CACNA2D3: variants seen among roughly 807,000 people sequenced by gnomAD.
The protein encoded by CACNA2D3 is voltage-dependent calcium channel subunit alpha-2/delta-3.
A neutral mutation model predicts 160.6 loss-of-function variants in CACNA2D3; 60 were observed. That is an observed-to-expected ratio of 0.37 (90% CI 0.30 to 0.46). The LOEUF (loss-of-function observed/expected upper bound fraction) is 0.46, where lower values mean the gene tolerates loss of function less well. CACNA2D3 is among the 20% of genes least tolerant of loss of function. The pLI, the probability that CACNA2D3 is intolerant of heterozygous loss-of-function variation, is 1.00. For synonymous variants in CACNA2D3, 558 were observed against 492.9 expected (o/e 1.13, Z -1.75); for missense variants, 1,205 against 1,365.0 (o/e 0.88, Z 1.85).
intron 35 of CACNA2D3, among the ~76,000 whole-genome samples, chr3:55,043,566 T>G (rs774698034): frequency 6.6e-6 from 1 of 152,172 alleles, no homozygotes; most frequent in Non-Finnish European, 1.5e-5. Flanking sequence ...ATACAAATCC[T>G]TTGTAAAAAC....
chr3:54,347,545 T>C (rs1698481044), intron 3 of CACNA2D3, among the ~76,000 whole-genome samples: 1 of 152,116 alleles, frequency 6.6e-6, no homozygotes, highest in South Asian at 2.1e-4. Context: ...ATAAACACCC[T>C]AAACGCAGAA....
chr3:54,910,416 T>TCCTCATGAAGGTCACCAGTGAAATAC (rs1700531352), intron 27 of CACNA2D3, among the ~76,000 whole-genome samples: 1 of 151,974 alleles, frequency 6.6e-6, no homozygotes, highest in Non-Finnish European at 1.5e-5. Context: ...CAATGAAATA[T>TCCTCATGAAGGTCACCAGTGAAATAC]TCCTCATGAA....
chr3:54,773,108 T>A (rs192422166), intron 13 of CACNA2D3, among the ~76,000 whole-genome samples: 1 of 152,348 alleles, frequency 6.6e-6, no homozygotes, highest in East Asian at 1.9e-4. Flanking sequence ...CCAATTTAGT[T>A]GCATTTGCAA....
chr3:55,028,610 G>A (rs1703614933), intron 35 of CACNA2D3, among the ~76,000 whole-genome samples: 1 of 152,092 alleles, frequency 6.6e-6, no homozygotes, highest in Admixed American at 6.5e-5. Flanking sequence ...ACAAAGACTT[G>A]CTTAGAATCA....
chr3:55,055,357 A>G (rs1253588071), intron 35 of CACNA2D3, among the ~76,000 whole-genome samples: 1 of 152,050 alleles, frequency 6.6e-6, no homozygotes. Context: ...AGTTGACCAT[A>G]TTTGTACAGG....
intron 29 of CACNA2D3, among the ~76,000 whole-genome samples, chr3:54,976,064 C>CACAG (rs1702385378): frequency 1.1e-5 from 1 of 94,338 alleles, no homozygotes; most frequent in Admixed American, 1.1e-4. Context: ...GATACACACA[C>CACAG]ACACACACAC....
chr3:54,451,085 T>G (rs1402590969), intron 4 of CACNA2D3, among the ~76,000 whole-genome samples: 1 of 152,118 alleles, frequency 6.6e-6, no homozygotes, highest in African/African-American at 2.4e-5. Flanking sequence ...TCTCTGTGGT[T>G]CAAGGCTCCA....
chr3:54,463,207 C>T (rs1700541459), intron 4 of CACNA2D3, among the ~76,000 whole-genome samples: 1 of 152,202 alleles, frequency 6.6e-6, no homozygotes, highest in African/African-American at 2.4e-5. Flanking sequence ...CTGCCCTTAA[C>T]ATTTTTTCCT....
At chr3:54,519,273 G>A (rs1454186665) in intron 5 of CACNA2D3, among the ~76,000 whole-genome samples, 1 of 152,226 alleles carries the variant, frequency 6.6e-6, no homozygotes, top group Non-Finnish European at 1.5e-5. Context: ...GGTGTTAACA[G>A]TAATGACTTC....
intron 2 of CACNA2D3, among the ~76,000 whole-genome samples, chr3:54,287,036 C>G (rs2107471046): frequency 6.6e-6 from 1 of 152,080 alleles, no homozygotes; most frequent in African/African-American, 2.4e-5. Flanking sequence ...GCAAAATCAC[C>G]AGCTAACATC....
At chr3:54,732,124 A>C in intron 11 of CACNA2D3, among the ~76,000 whole-genome samples, 1 of 152,178 alleles carries the variant, frequency 6.6e-6, no homozygotes, top group East Asian at 1.9e-4. Flanking sequence ...TACGTGTTTA[A>C]GGGTGAAAAG....
At chr3:54,614,960 T>C (rs1335986054) in intron 9 of CACNA2D3, among the ~76,000 whole-genome samples, 1 of 152,180 alleles carries the variant, frequency 6.6e-6, no homozygotes, top group Non-Finnish European at 1.5e-5. Flanking sequence ...TTGATGATAC[T>C]AAAAAAGAAA....
At chr3:54,759,999 G>A (rs1364191580) in intron 12 of CACNA2D3, among the ~76,000 whole-genome samples, 1 of 152,246 alleles carries the variant, frequency 6.6e-6, no homozygotes, top group Non-Finnish European at 1.5e-5. Flanking sequence ...GTGGATCTCA[G>A]TAAGACCTCA....
chr3:54,207,584 G>T (rs953328927), intron 2 of CACNA2D3, among the ~76,000 whole-genome samples: 1 of 152,172 alleles, frequency 6.6e-6, no homozygotes, highest in African/African-American at 2.4e-5. Context: ...AATGGATGTT[G>T]GTGTAAGATT....
intron 12 of CACNA2D3, among the ~76,000 whole-genome samples, chr3:54,754,479 GT>G (rs1303378470): frequency 6.6e-6 from 1 of 152,182 alleles, no homozygotes; most frequent in African/African-American, 2.4e-5. Flanking sequence ...AGTGCCCTGA[GT>G]TATTCTCTTG....
intron 25 of CACNA2D3, among the ~76,000 whole-genome samples, chr3:54,893,714 C>G (rs970000653): frequency 2.6e-5 from 4 of 152,072 alleles, no homozygotes; most frequent in African/African-American, 9.7e-5. Context: ...GATTTCATCC[C>G]ATACCCCCGC....
chr3:54,328,770 G>T (rs1704176230), intron 3 of CACNA2D3, among the ~76,000 whole-genome samples: 2 of 152,194 alleles, frequency 1.3e-5, no homozygotes, highest in Admixed American at 1.3e-4. Context: ...TAGGCACTCT[G>T]CTGGACATGC....
chr3:54,871,204 C>CACACACACACACACACAG (rs1553897830), intron 17 of CACNA2D3, among the ~76,000 whole-genome samples: 2 of 145,820 alleles, frequency 1.4e-5, no homozygotes, highest in African/African-American at 5.4e-5. Flanking sequence ...CACACACACA[C>CACACACACACACACACAG]ACACACACAC....
chr3:54,757,319 A>G (rs774221995), intron 12 of CACNA2D3, among the ~76,000 whole-genome samples: 49 of 152,104 alleles, frequency 3.2e-4, no homozygotes, highest in African/African-American at 1.1e-3. Context: ...CCCCTTTTCC[A>G]TGGGCTAAAG....
Sources: gnomAD v4.1 joint callset for allele counts (sites outside exome capture counted in the v4.1 genomes callset) on GRCh38, gnomAD v4.1.1 for gene constraint, MANE v1.5 for transcripts, NCBI Gene and HGNC (gene_info 2026-07-23, HGNC 2026-07-21) for gene names.